ROBO1: variants seen among roughly 807,000 people sequenced by gnomAD.
ROBO1 encodes roundabout guidance receptor 1, also known as roundabout homolog 1.
ROBO1 carries 149 observed loss-of-function variants against 195.9 expected under a neutral mutation model. The ratio of observed to expected loss-of-function variants is 0.76; its 90% CI spans 0.67 to 0.87. ROBO1 has a LOEUF of 0.87. ROBO1 is among the 40% of genes least tolerant of loss of function. ROBO1 has a pLI of 0.00. For synonymous variants in ROBO1, 816 were observed against 733.2 expected, an observed-to-expected ratio of 1.11 and a Z score of -1.82; for missense variants, 1,933 against 2,068.3, an observed-to-expected ratio of 0.93 and a Z score of 1.27.
chr3:79,059,773 C>A (rs2078880647), intron 3 of ROBO1, among the ~76,000 whole-genome samples: 1 of 152,132 alleles, frequency 6.6e-6, no homozygotes, highest in South Asian at 2.1e-4. Flanking sequence ...TCTTCCTAAA[C>A]TGAGGATGTA....
chr3:79,216,959 G>C (rs763209243), intron 2 of ROBO1, among the ~76,000 whole-genome samples: 1 of 152,004 alleles, frequency 6.6e-6, no homozygotes, highest in Non-Finnish European at 1.5e-5. Context: ...ATTAAAGTAA[G>C]TCAATGCTAA....
At chr3:79,598,913 C>A (rs1944259278) in intron 1 of ROBO1, among the ~76,000 whole-genome samples, 1 of 152,052 alleles carries the variant, frequency 6.6e-6, no homozygotes, top group African/African-American at 2.4e-5. Flanking sequence ...AGGTCCTGAG[C>A]CTGTCCATGT....
chr3:79,197,949 A>T (rs2081674125), intron 2 of ROBO1, among the ~76,000 whole-genome samples: 1 of 150,806 alleles, frequency 6.6e-6, no homozygotes, highest in African/African-American at 2.4e-5. Context: ...CCTTTGTCAG[A>T]TGGGTAGATT....
At chr3:78,751,200 G>A (rs993887582) in intron 4 of ROBO1, among the ~76,000 whole-genome samples, 3 of 151,940 alleles carry the variant, frequency 2.0e-5, no homozygotes, top group African/African-American at 4.8e-5. Flanking sequence ...ATCTCAGTGC[G>A]GTTAGGGGCT....
At chr3:79,741,393 T>A (rs1408178240) in intron 1 of ROBO1, among the ~76,000 whole-genome samples, 1 of 147,258 alleles carries the variant, frequency 6.8e-6, no homozygotes, top group South Asian at 2.1e-4. Flanking sequence ...CAGATTTGAC[T>A]TTTTTTTTTA....
intron 3 of ROBO1, among the ~76,000 whole-genome samples, chr3:79,082,003 T>C (rs1467804699): frequency 3.3e-5 from 5 of 152,140 alleles, no homozygotes; most frequent in South Asian, 2.1e-4. Flanking sequence ...TTTGGTGAAA[T>C]GGCAATATTA....
At chr3:78,853,010 GA>G (rs373910564) in intron 4 of ROBO1, among the ~76,000 whole-genome samples, 1 of 152,032 alleles carries the variant, frequency 6.6e-6, no homozygotes, top group African/African-American at 2.4e-5. Flanking sequence ...ATGGAGACAA[GA>G]AAAAAAGAAG....
intron 3 of ROBO1, among the ~76,000 whole-genome samples, chr3:79,000,044 T>C (rs2077462153): frequency 6.6e-6 from 1 of 152,136 alleles, no homozygotes; most frequent in African/African-American, 2.4e-5. Flanking sequence ...GTGAACTGTA[T>C]TAATTCGTTC....
chr3:78,631,282 C>T lies in ROBO1; in HGVS notation c.3505G>A (p.Ala1169Thr), dbSNP rs1219996777. Residue 1169 changes from alanine to threonine, a missense_variant, in exon 25 of 31, where the codon GCA (alanine) becomes ACA (threonine). Physicochemically the swap from Ala to Thr is moderately conservative, Grantham distance 58. This residue lies in a region of ROBO1 where 1,737 missense variants were observed against 1,882.5 expected (regional missense o/e 0.92). Coordinates refer to ENST00000464233, the MANE Select transcript of ROBO1 (RefSeq NM_002941.4). The stretch of plus-strand genomic sequence containing the variant: ...TGTTTTGGTACCTTGGGTGTTCTTG[C>T]CCCTTTCTTGTGCCCCTGACTCCCT... ...TSGSQGHKKG[A>T]RTPKVPKQGG... 3 of 1,612,920 alleles carry T rather than the reference C, an allele frequency of 1.9e-6. No homozygotes were observed. Among genetic ancestry groups the T allele is most frequent in the Non-Finnish European group, 1.7e-6 (2 of 1,179,234 alleles).
chr3:79,524,837 GACA>G (rs1941359873), intron 2 of ROBO1, among the ~76,000 whole-genome samples: 2 of 151,970 alleles, frequency 1.3e-5, no homozygotes, highest in African/African-American at 4.8e-5. Flanking sequence ...TTCCTCCAAT[GACA>G]ACAAGTTAGA....
intron 1 of ROBO1, among the ~76,000 whole-genome samples, chr3:79,740,611 C>G (rs373113371): frequency 6.6e-5 from 10 of 152,042 alleles, no homozygotes; most frequent in Non-Finnish European, 1.5e-4. Context: ...CTTATAAGAC[C>G]ATCAGATCTC....
intron 3 of ROBO1, among the ~76,000 whole-genome samples, chr3:79,009,107 ATTTTTTTTTT>A (rs749520016): frequency 1.7e-5 from 2 of 115,356 alleles, no homozygotes; most frequent in Non-Finnish European, 3.5e-5. Context: ...CGCCCAGCTA[ATTTTTTTTTT>A]TTTTTTTTTT....
intron 2 of ROBO1, among the ~76,000 whole-genome samples, chr3:79,246,839 G>A (rs557842700): frequency 6.6e-6 from 1 of 152,056 alleles, no homozygotes; most frequent in African/African-American, 2.4e-5. Flanking sequence ...TCCATAGAAA[G>A]CCCTTCCATA....
At chr3:78,846,040 A>G (rs1294000021) in intron 4 of ROBO1, among the ~76,000 whole-genome samples, 1 of 152,072 alleles carries the variant, frequency 6.6e-6, no homozygotes, top group East Asian at 1.9e-4. Flanking sequence ...ATTAGCCCCA[A>G]AGATTTTTTT....
Position 79,184,251 on chromosome 3 carries a change from G to A in ROBO1, c.89-58712C>T, listed in dbSNP as rs748646082. Among the ~76,000 whole-genome samples the A allele has an allele frequency of 1.2e-4, 18 of 152,118 alleles. 1 individual carries two copies. Among genetic ancestry groups the A allele is most frequent in the Non-Finnish European group, 2.1e-4 (14 of 68,014 alleles). ...TTCTACTGATCGTTAATGCTCTTCT[G>A]TTTGCTCACATTTGTTCCCTCAATC... is the stretch of plus-strand genomic sequence containing the variant. On this transcript the variant is annotated intron_variant, in intron 2 of 30. Transcript: ENST00000464233.
intron 4 of ROBO1, among the ~76,000 whole-genome samples, chr3:78,758,041 C>T (rs1363758299): frequency 2.6e-5 from 4 of 152,166 alleles, no homozygotes; most frequent in East Asian, 1.9e-4. Flanking sequence ...CTACAGAGCC[C>T]TTGGGAGAGT....
At chr3:79,215,172 G>T (rs893066756) in intron 2 of ROBO1, among the ~76,000 whole-genome samples, 11 of 148,446 alleles carry the variant, frequency 7.4e-5, no homozygotes, top group Admixed American at 5.3e-4. Flanking sequence ...GTCTTTCTTG[G>T]AACAAGGATA....
chr3:79,566,891 G>T (rs2107731032), intron 2 of ROBO1, among the ~76,000 whole-genome samples: 1 of 152,224 alleles, frequency 6.6e-6, no homozygotes, highest in East Asian at 1.9e-4. Context: ...AAAGGACATA[G>T]AGACAGAAAT....
At chr3:78,661,399 A>C in intron 15 of ROBO1, 138 bp from the exon 16 acceptor site, 1 of 486,518 alleles carries the variant, frequency 2.1e-6, no homozygotes, top group Non-Finnish European at 3.5e-6. Context: ...AATGTGTAAG[A>C]ATTAGAAAGG....
Sources: allele counts gnomAD v4.1 joint callset (sites outside exome capture counted in the v4.1 genomes callset), GRCh38; gene constraint gnomAD v4.1.1; regional missense constraint gnomAD v4.1.1; transcripts MANE v1.5; gene names NCBI Gene and HGNC (gene_info 2026-07-23, HGNC 2026-07-21).